The following PTPN9 variants were observed in gnomAD, a reference collection of about 807,000 sequenced individuals.
PTPN9 encodes the protein protein tyrosine phosphatase non-receptor type 9.
In PTPN9, 26 loss-of-function variants were observed where a neutral mutation model predicts 69.8. The observed-to-expected ratio is 0.37, with a 90% CI of 0.27 to 0.52. PTPN9 has a LOEUF of 0.52. Ranked by LOEUF, PTPN9 falls within the 20% of genes least tolerant of loss-of-function variation. PTPN9 has a pLI of 0.91. For missense variants in PTPN9, 549 were observed against 740.3 expected (o/e 0.74, Z 3.00); for synonymous variants, 274 against 272.5 (o/e 1.01, Z -0.05).
Position 75,468,626 on chromosome 15 carries a change from G to T in PTPN9, c.*143C>A. 1.4e-6 allele frequency: 1 copy of T among 690,480 alleles called. No individual in the cohort carries two copies. Among genetic ancestry groups the T allele is most frequent in the Non-Finnish European group, 2.5e-6 (1 of 401,836 alleles). 42.8% of individuals were successfully genotyped at this position (690,480 alleles called of 1,614,324 possible). On this transcript the variant is annotated 3_prime_UTR_variant, in exon 13 of 13. Coordinates refer to ENST00000618819, the MANE Select transcript of PTPN9 (RefSeq NM_002833.4). ...ATTTATCTAGCCAAAGGGAAAGGCTGCCTTGCGTGCACACGTGTGCTGGGA... is the reference window on the plus strand; with the variant it reads ...ATTTATCTAGCCAAAGGGAAAGGCTTCCTTGCGTGCACACGTGTGCTGGGA...
intron 1 of PTPN9, among the ~76,000 whole-genome samples, chr15:75,534,328 T>C (rs1160133988): frequency 6.6e-6 from 1 of 152,200 alleles, no homozygotes; most frequent in Non-Finnish European, 1.5e-5. Context: ...TTAGTCTGTA[T>C]CAATGCAATC....
chr15:75,551,234 G>T (rs550445719), intron 1 of PTPN9, among the ~76,000 whole-genome samples: 1 of 151,436 alleles, frequency 6.6e-6, no homozygotes, highest in Non-Finnish European at 1.5e-5. Context: ...CCACCCTGCC[G>T]AGGGCTGTTA....
In PTPN9 at chr15:75,578,738, C is replaced by T; in HGVS notation, c.39G>A (p.Pro13=). 1 of 1,332,246 alleles carries T rather than the reference C, an allele frequency of 7.5e-7. No individual in the cohort carries two copies. Among genetic ancestry groups the T allele is most frequent in the Non-Finnish European group, 9.6e-7 (1 of 1,039,692 alleles). The allele number at this position is 1,332,246 out of a possible 1,614,324, so 82.5% of individuals were successfully genotyped here. ...PATAPRPDMA[P]ELTPEEEQAT... ...CCTGCTCCTCCTCCGGGGTCAGCTC[C>T]GGCGCCATGTCGGGCCGGGGCGCGG... Residue 13 remains proline, a synonymous_variant, in exon 1 of 13, where the codon CCG becomes CCA. Transcript: ENST00000618819.
chr15:75,488,556 GA>G lies in PTPN9; in HGVS notation c.1062+1651del, dbSNP rs2074691596. ...CATGCCTGTAATCCCAGCACTTTGG[GA>G]GGCCAAGGTGAGAGGATTGCTTGAG... On this transcript the variant is annotated intron_variant, in intron 8 of 12. Transcript: ENST00000618819. Among the ~76,000 whole-genome samples the G allele has an allele frequency of 2.6e-5, 4 of 152,102 alleles. No homozygotes were observed. In the South Asian group the frequency reaches 8.3e-4, roughly 32 times the overall value.
intron 7 of PTPN9, among the ~76,000 whole-genome samples, chr15:75,499,070 A>G (rs2074759046): frequency 6.6e-6 from 1 of 152,176 alleles, no homozygotes; most frequent in Non-Finnish European, 1.5e-5. Context: ...AGGTGAATCT[A>G]CAATTATAAG....
intron 8 of PTPN9, among the ~76,000 whole-genome samples, chr15:75,486,854 G>A (rs1165842636): frequency 1.4e-5 from 2 of 146,784 alleles, no homozygotes; most frequent in Middle Eastern, 3.5e-3. Flanking sequence ...GTGCGATCTC[G>A]GCTTACTGCA....
chr15:75,482,433 C>T (rs1371615040), intron 8 of PTPN9, among the ~76,000 whole-genome samples: 3 of 151,880 alleles, frequency 2.0e-5, no homozygotes, highest in Admixed American at 6.6e-5. Context: ...GGCGTGGTGG[C>T]GGGCGCCTGT....
At chr15:75,555,100 C>G (rs1230753582) in intron 1 of PTPN9, among the ~76,000 whole-genome samples, 1 of 152,214 alleles carries the variant, frequency 6.6e-6, no homozygotes, top group African/African-American at 2.4e-5. Flanking sequence ...AGACTCTGCT[C>G]TTTCTTCAGA....
chr15:75,520,942 T>C (rs2074902007), intron 4 of PTPN9, among the ~76,000 whole-genome samples: 1 of 151,602 alleles, frequency 6.6e-6, no homozygotes, highest in South Asian at 2.1e-4. Flanking sequence ...CTCCCAGGGC[T>C]CAGGTGATCC....
intron 1 of PTPN9, among the ~76,000 whole-genome samples, chr15:75,574,958 A>G (rs1447840324): frequency 1.7e-4 from 24 of 139,924 alleles, no homozygotes; most frequent in Non-Finnish European, 2.8e-4. Flanking sequence ...AAAAAAAAAA[A>G]AAAGAAAGAA....
chr15:75,504,783 C>T (rs9744413), intron 7 of PTPN9, among the ~76,000 whole-genome samples: 23,199 of 130,746 alleles, frequency 0.18, 2,698 homozygotes, highest in Non-Finnish European at 0.23. Context: ...CCAGCCGCCC[C>T]GTCCGGGAGG....
At chr15:75,487,644 C>T (rs2074686349) in intron 8 of PTPN9, 1 of 152,242 alleles carries the variant, frequency 6.6e-6, no homozygotes. Flanking sequence ...TCCACTCCTT[C>T]AGGGCATATA....
intron 1 of PTPN9, among the ~76,000 whole-genome samples, chr15:75,574,983 T>TTTTTTTTTC (rs2075164947): frequency 8.2e-4 from 1 of 1,218 alleles, no homozygotes; most frequent in East Asian, 5.4e-3. Flanking sequence ...AAGAAATATC[T>TTTTTTTTTC]TTTTTTTTTT....
chr15:75,542,314 C>T (rs2075012713), intron 1 of PTPN9, among the ~76,000 whole-genome samples: 1 of 152,188 alleles, frequency 6.6e-6, no homozygotes, highest in Non-Finnish European at 1.5e-5. Context: ...CCCTACAAAT[C>T]TCATCAGAAA....
intron 1 of PTPN9, among the ~76,000 whole-genome samples, chr15:75,575,733 C>T (rs1443409721): frequency 6.8e-6 from 1 of 146,178 alleles, no homozygotes; most frequent in East Asian, 2.1e-4. Flanking sequence ...TCCTGGCTAA[C>T]ATGGGGAAAC....
intron 1 of PTPN9, among the ~76,000 whole-genome samples, chr15:75,546,945 C>A (rs2075035752): frequency 6.6e-6 from 1 of 151,872 alleles, no homozygotes; most frequent in Non-Finnish European, 1.5e-5. Flanking sequence ...CACTAGTCAC[C>A]CTACATTAAA....
chr15:75,510,850 C>A (rs1266743991), intron 5 of PTPN9, among the ~76,000 whole-genome samples: 1 of 152,100 alleles, frequency 6.6e-6, no homozygotes, highest in Non-Finnish European at 1.5e-5. Flanking sequence ...AAACCCTGTA[C>A]CCATTAAATA....
intron 7 of PTPN9, among the ~76,000 whole-genome samples, chr15:75,501,937 C>T (rs1410148386): frequency 6.6e-6 from 1 of 152,004 alleles, no homozygotes; most frequent in Non-Finnish European, 1.5e-5. Context: ...GCAGGAGGAT[C>T]ACTTGAGCCT....
intron 7 of PTPN9, among the ~76,000 whole-genome samples, chr15:75,496,138 CA>C (rs55642191): frequency 0.31 from 33,811 of 107,914 alleles, 3,962 homozygotes; most frequent in Admixed American, 0.36. Flanking sequence ...GAGCCTGTCT[CA>C]AAAAAAAAAA....
Sources: gnomAD v4.1 joint callset for allele counts (sites outside exome capture counted in the v4.1 genomes callset) on GRCh38, gnomAD v4.1.1 for gene constraint, MANE v1.5 for transcripts, NCBI Gene and HGNC (gene_info 2026-07-23, HGNC 2026-07-21) for gene names.